The following SUGCT variants were observed in gnomAD, a reference collection of about 807,000 sequenced individuals.
SUGCT encodes the protein succinyl-CoA:glutarate-CoA transferase.
A neutral mutation model predicts 55.0 loss-of-function variants in SUGCT; 41 were observed. The ratio of observed to expected loss-of-function variants is 0.74; its 90% CI spans 0.58 to 0.97. The LOEUF (loss-of-function observed/expected upper bound fraction) is 0.97. Among genes scored for constraint, SUGCT ranks in the 50% least tolerant of loss-of-function variants. SUGCT has a pLI of 0.00. For missense variants in SUGCT, 568 were observed against 547.8 expected, an observed-to-expected ratio of 1.04 and a Z score of -0.37; for synonymous variants, 187 against 200.4, an observed-to-expected ratio of 0.93 and a Z score of 0.56.
chr7:40,448,104 C>G (rs1365403455), intron 9 of SUGCT, among the ~76,000 whole-genome samples: 2 of 152,080 alleles, frequency 1.3e-5, no homozygotes, highest in African/African-American at 4.8e-5. Flanking sequence ...CAGAGAGATA[C>G]TGATGTGTCC....
intron 12 of SUGCT, among the ~76,000 whole-genome samples, chr7:40,552,210 A>G (rs1795335560): frequency 6.6e-6 from 1 of 152,128 alleles, no homozygotes; most frequent in Non-Finnish European, 1.5e-5. Context: ...CTTGTGAGGA[A>G]TTTCATATGG....
chr7:40,935,977 A>T, the SUGCT span, among the ~76,000 whole-genome samples: 3 of 152,090 alleles, frequency 2.0e-5, no homozygotes, highest in African/African-American at 7.2e-5. Flanking sequence ...TTTGATGTTC[A>T]TTTCACTGAT....
intron 13 of SUGCT, among the ~76,000 whole-genome samples, chr7:40,811,710 TAAAG>T (rs1404515345): frequency 1.1e-4 from 16 of 152,034 alleles, no homozygotes; most frequent in Non-Finnish European, 2.4e-4. Context: ...ATACCGTCCT[TAAAG>T]AGAGATAGTT....
the SUGCT span, among the ~76,000 whole-genome samples, chr7:41,013,426 G>A: frequency 6.6e-6 from 1 of 152,166 alleles, no homozygotes; most frequent in Non-Finnish European, 1.5e-5. Flanking sequence ...CCAAAGAAGG[G>A]GACAGTTGTG....
chr7:40,923,386 T>A, the SUGCT span, among the ~76,000 whole-genome samples: 1 of 152,184 alleles, frequency 6.6e-6, no homozygotes, highest in African/African-American at 2.4e-5. Context: ...TGACAAGAAT[T>A]CTAGCTCACA....
At chr7:40,251,610 C>A (rs530819239) in intron 7 of SUGCT, among the ~76,000 whole-genome samples, 2 of 152,182 alleles carry the variant, frequency 1.3e-5, no homozygotes, top group Non-Finnish European at 2.9e-5. Context: ...CATGAAGGTA[C>A]GTGGCAAATC....
the SUGCT span, among the ~76,000 whole-genome samples, chr7:40,887,397 G>T: frequency 6.6e-6 from 1 of 152,176 alleles, no homozygotes; most frequent in East Asian, 1.9e-4. Context: ...GACCTTCATT[G>T]CTACAAGGGT....
intron 7 of SUGCT, among the ~76,000 whole-genome samples, chr7:40,245,413 A>T (rs1263169638): frequency 3.9e-5 from 1 of 25,580 alleles, no homozygotes; most frequent in African/African-American, 1.8e-4. Flanking sequence ...ACATATATAT[A>T]TATATATATA....
chr7:40,160,437 C>T lies in SUGCT; in HGVS notation c.101-20510C>T, dbSNP rs193007488. Among the ~76,000 whole-genome samples the T allele has an allele frequency of 2.1e-3, 321 of 152,280 alleles. 1 individual carries two copies. Among genetic ancestry groups the T allele is most frequent in the African/African-American group, 7.3e-3 (304 of 41,550 alleles). ...AGAGACGGAGTTTCACCATGTTGGT[C>T]AGGCTGGTCTCAAGCTCCTGACCTC... On this transcript the variant is annotated intron_variant, in intron 1 of 13. Transcript: ENST00000335693.
Position 40,145,105 on chromosome 7 carries a change from T to C in SUGCT, c.100+9985T>C, listed in dbSNP as rs948581274. 4.6e-5 allele frequency among the ~76,000 whole-genome samples: 7 copies of C among 152,340 alleles called. No homozygotes were observed. In the East Asian group the frequency reaches 1.2e-3, roughly 25 times the overall value. On this transcript the variant is annotated intron_variant, in intron 1 of 13. Coordinates refer to ENST00000335693, the MANE Select transcript of SUGCT (RefSeq NM_001193313.2). ...GATACCCCTTTAACTTTAGCCAATA[T>C]GTTTACAAACAGAATTTTCTTTAAA... is the stretch of plus-strand genomic sequence containing the variant.
At chr7:40,373,220 T>G (rs1784371991) in intron 9 of SUGCT, among the ~76,000 whole-genome samples, 1 of 151,714 alleles carries the variant, frequency 6.6e-6, no homozygotes. Context: ...AGTTAAGTGA[T>G]TCTAGAAATA....
the SUGCT span, among the ~76,000 whole-genome samples, chr7:40,896,921 A>T: frequency 6.6e-6 from 1 of 152,230 alleles, no homozygotes; most frequent in East Asian, 1.9e-4. Context: ...AACAAAAAGA[A>T]CAAAGCTGGA....
the SUGCT span, among the ~76,000 whole-genome samples, chr7:40,984,358 C>T: frequency 6.6e-6 from 1 of 151,952 alleles, no homozygotes; most frequent in Non-Finnish European, 1.5e-5. Context: ...TAACTGCAAC[C>T]CTCTAAAAAA....
intron 9 of SUGCT, among the ~76,000 whole-genome samples, chr7:40,445,963 A>C (rs999445603): frequency 2.6e-5 from 4 of 151,986 alleles, no homozygotes; most frequent in Non-Finnish European, 5.9e-5. Flanking sequence ...TTTGCATAAA[A>C]TTATTATGTT....
At chr7:40,710,288 C>T (rs955947867) in intron 12 of SUGCT, among the ~76,000 whole-genome samples, 1 of 152,198 alleles carries the variant, frequency 6.6e-6, no homozygotes, top group Non-Finnish European at 1.5e-5. Context: ...TACATTTCTA[C>T]AGACACAACC....
chr7:40,844,108 C>T lies in SUGCT; in HGVS notation c.1154-16208C>T, dbSNP rs373562111. Among the ~76,000 whole-genome samples the T allele has an allele frequency of 2.6e-5, 4 of 152,222 alleles. No homozygotes were observed. In the East Asian group the frequency reaches 5.8e-4, roughly 22 times the overall value. Reference sequence around the variant, plus strand: ...CTTTGTACAGGAACCACGGCAGCATCCAAGCATGTTACAATGCTTTTTTAG... The same window carrying T: ...CTTTGTACAGGAACCACGGCAGCATTCAAGCATGTTACAATGCTTTTTTAG... On this transcript the variant is annotated intron_variant, in intron 13 of 13. Transcript: ENST00000335693.
rs190094455 is a variant in SUGCT, at chr7:40,238,682, C to T, written c.576+956C>T. Among the ~76,000 whole-genome samples, 16 of 152,042 alleles carry T rather than the reference C, an allele frequency of 1.1e-4. No homozygotes were observed. The East Asian group carries it at 3.1e-3, about 29-fold the overall frequency. ...ATTAATTAATTATTTTCCTTTGCCT[C>T]TATTTTCTCATGATGAGATTTACTT... On this transcript the variant is annotated intron_variant, in intron 7 of 13. Coordinates refer to ENST00000335693, the MANE Select transcript of SUGCT (RefSeq NM_001193313.2).
chr7:40,742,992 A>G (rs934439648), intron 12 of SUGCT, among the ~76,000 whole-genome samples: 10 of 152,244 alleles, frequency 6.6e-5, no homozygotes, highest in Admixed American at 5.2e-4. Context: ...TTAATGAAGA[A>G]GAACTCTGTA....
At chr7:40,555,952 T>C (rs1795538718) in intron 12 of SUGCT, among the ~76,000 whole-genome samples, 1 of 152,184 alleles carries the variant, frequency 6.6e-6, no homozygotes. Flanking sequence ...TTCTTAGCAA[T>C]GTGTTTGCCC....
Sources: allele counts gnomAD v4.1 joint callset (sites outside exome capture counted in the v4.1 genomes callset), GRCh38; gene constraint gnomAD v4.1.1; transcripts MANE v1.5; gene names NCBI Gene and HGNC (gene_info 2026-07-23, HGNC 2026-07-21).